The following ABCA3 variants were observed in gnomAD, a reference collection of about 807,000 sequenced individuals.
The protein encoded by ABCA3 is ATP binding cassette subfamily A member 3, also known as phospholipid-transporting ATPase ABCA3.
ABCA3 carries 88 observed loss-of-function variants against 172.8 expected under a neutral mutation model. That is an observed-to-expected ratio of 0.51 (90% confidence interval 0.43 to 0.61). The LOEUF (loss-of-function observed/expected upper bound fraction) is 0.61. Ranked by LOEUF, ABCA3 falls within the 20% of genes least tolerant of loss-of-function variation. ABCA3 has a pLI of 0.00. For missense variants in ABCA3, 2,164 were observed against 2,301.0 expected (o/e 0.94, Z 1.22); for synonymous variants, 1,066 against 983.8 (o/e 1.08, Z -1.56).
In ABCA3 at chr16:2,297,239, G is replaced by C; in HGVS notation, c.2263+90C>G. 1 of 1,451,652 alleles carries C rather than the reference G, an allele frequency of 6.9e-7. No homozygotes were observed. The highest frequency in any genetic ancestry group is 9.5e-7 in the Non-Finnish European group (1 of 1,057,486). 89.9% of individuals were successfully genotyped at this position (1,451,652 alleles called of 1,614,324 possible). On this transcript the variant is annotated intron_variant, in intron 17 of 32. Coordinates refer to ENST00000301732, the MANE Select transcript of ABCA3 (RefSeq NM_001089.3). This position sits in a 1 kb window ranked among gnomAD's most constrained non-coding sequence, Gnocchi z 5.6. ...AGTCTAGAAAAGGCCACCCCTGCCT[G>C]ATCTGAGGGCCCTTCATGAAGGTAG... is the stretch of plus-strand genomic sequence containing the variant.
At chr16:2,324,246 A>G (rs2093730611) in intron 6 of ABCA3, among the ~76,000 whole-genome samples, 158 bp downstream of exon 6, 1 of 152,172 alleles carries the variant, frequency 6.6e-6, no homozygotes, top group Non-Finnish European at 1.5e-5. Context: ...GGGGACTGTG[A>G]TGATATTATC....
At chr16:2,307,829 TCTC>T (rs1306808572) in intron 11 of ABCA3, among the ~76,000 whole-genome samples, 1 of 152,088 alleles carries the variant, frequency 6.6e-6, no homozygotes, top group Non-Finnish European at 1.5e-5. Flanking sequence ...ATGGTCTCGA[TCTC>T]CTGACCTCGT....
chr16:2,321,519 C>T (rs1207514093), intron 7 of ABCA3, among the ~76,000 whole-genome samples: 1 of 152,184 alleles, frequency 6.6e-6, no homozygotes, highest in Non-Finnish European at 1.5e-5. Flanking sequence ...TGTCTCCTGC[C>T]AGACCCGTGA....
chr16:2,320,226 G>A (rs1332058901), intron 7 of ABCA3, among the ~76,000 whole-genome samples: 54 of 140,806 alleles, frequency 3.8e-4, no homozygotes, highest in South Asian at 6.9e-4. Flanking sequence ...AGCCTCCCGA[G>A]TAGCTGGGAC....
At chr16:2,333,037 C>A (rs761702694) in intron 1 of ABCA3, among the ~76,000 whole-genome samples, 2 of 152,162 alleles carry the variant, frequency 1.3e-5, no homozygotes, top group Non-Finnish European at 2.9e-5. Flanking sequence ...AAACTCCTGG[C>A]CTGAAACAAT....
intron 18 of ABCA3, among the ~76,000 whole-genome samples, chr16:2,293,601 G>A (rs1596840206): frequency 6.7e-6 from 1 of 149,350 alleles, no homozygotes. Context: ...GCGGTGGCGC[G>A]ATCTTGGCTC....
At chr16:2,314,057 A>G (rs1338822063) in intron 10 of ABCA3, among the ~76,000 whole-genome samples, 1 of 152,190 alleles carries the variant, frequency 6.6e-6, no homozygotes, top group East Asian at 1.9e-4. Flanking sequence ...GCACCGGTGC[A>G]GACACTGCGG....
chr16:2,283,570 A>C lies in ABCA3; in HGVS notation c.3863-212T>G. ...GCACGTAACAATCCAATGCAGTCCC[A>C]TGAGCGACATGGCAGACCCAGGGCA... On this transcript the variant is annotated intron_variant, in intron 25 of 32. Transcript: ENST00000301732. The surrounding 1 kb of genome is among the most constrained non-coding windows in gnomAD (Gnocchi z 5.4). The C allele has an allele frequency of 1.7e-6, 1 of 573,200 alleles. No homozygotes were observed. The highest frequency in any genetic ancestry group is 3.1e-6 in the Non-Finnish European group (1 of 324,362). The allele number at this position is 573,200 out of a possible 1,614,324, so 35.5% of individuals were successfully genotyped here.
At chr16:2,313,670 G>A (rs543122039) in intron 10 of ABCA3, among the ~76,000 whole-genome samples, 35 of 151,332 alleles carry the variant, frequency 2.3e-4, no homozygotes, top group East Asian at 2.0e-4. Context: ...TCTGGGAGAC[G>A]GAGGTGGGAG....
intron 10 of ABCA3, among the ~76,000 whole-genome samples, chr16:2,311,859 G>A (rs1385389354): frequency 6.6e-6 from 1 of 151,974 alleles, no homozygotes; most frequent in East Asian, 1.9e-4. Flanking sequence ...GTTTCACCAT[G>A]TTGTCCAGGC....
intron 1 of ABCA3, among the ~76,000 whole-genome samples, chr16:2,336,081 T>C (rs1173290981): frequency 1.3e-5 from 2 of 152,182 alleles, no homozygotes; most frequent in African/African-American, 4.8e-5. Context: ...TGACAGTATA[T>C]GAGAGTTACA....
chr16:2,299,865 G>T, intron 13 of ABCA3, 140 bp downstream of exon 13: 1 of 1,256,970 alleles, frequency 8.0e-7, no homozygotes, highest in Non-Finnish European at 1.1e-6. Flanking sequence ...GCAGCGGAGG[G>T]TTCCTGCCCT....
chr16:2,314,231 A>G (rs544699736), intron 10 of ABCA3, among the ~76,000 whole-genome samples: 128 of 150,112 alleles, frequency 8.5e-4, no homozygotes, highest in African/African-American at 2.9e-3. Flanking sequence ...GAGTCTGTCA[A>G]TGGATGAACA....
chr16:2,332,649 G>C (rs984263438), intron 1 of ABCA3: 1 of 1,602,246 alleles, frequency 6.2e-7, no homozygotes, highest in Non-Finnish European at 8.5e-7. Context: ...GGGGCCGCCC[G>C]TTCACCTTGA....
chr16:2,284,803 TCA>T lies in ABCA3; in HGVS notation c.3677_3678del (p.Leu1226HisfsTer62). 6.2e-7 allele frequency: 1 copy of T among 1,613,568 alleles called. No individual in the cohort carries two copies. Among genetic ancestry groups the T allele is most frequent in the Non-Finnish European group, 8.5e-7 (1 of 1,179,892 alleles). On this transcript the variant is annotated frameshift_variant, in exon 24 of 33. Transcript: ENST00000301732. LOFTEE classifies it high-confidence loss of function. This position sits in a 1 kb window ranked among gnomAD's most constrained non-coding sequence, Gnocchi z 5.9. ...FNILSGIATF[L>X]MVTIMRIPAV... ...CCTGGGATGCGCATGATGGTGACCA[TCA>T]GGAAGGTGGCGATGCCTGACAGGAT...
intron 10 of ABCA3, among the ~76,000 whole-genome samples, chr16:2,316,526 A>AAAAAAAAAC (rs2093716134): frequency 7.5e-6 from 1 of 132,704 alleles, no homozygotes; most frequent in Non-Finnish European, 1.6e-5. Flanking sequence ...AAAAAAAAAA[A>AAAAAAAAAC]AATTAGCCAG....
At chr16:2,315,889 C>T (rs1052364798) in intron 10 of ABCA3, among the ~76,000 whole-genome samples, 1 of 130,006 alleles carries the variant, frequency 7.7e-6, no homozygotes, top group African/African-American at 2.9e-5. Context: ...TGCCATGTTG[C>T]CTAGGCTGGT....
At chr16:2,302,683 C>G (rs947594728) in intron 12 of ABCA3, among the ~76,000 whole-genome samples, 3 of 151,986 alleles carry the variant, frequency 2.0e-5, no homozygotes, top group Admixed American at 2.0e-4. Context: ...TGGGGTTGCA[C>G]TATGTTGCCC....
rs765928512 is a variant in ABCA3, at chr16:2,284,819, G to A, written c.3663C>T (p.Gly1221=). The A allele has an allele frequency of 2.3e-5, 37 of 1,613,960 alleles. No individual in the cohort carries two copies. The highest frequency in any genetic ancestry group is 3.0e-5 in the Non-Finnish European group (35 of 1,179,978). ...TRLTIFNILS[G]IATFLMVTIM... ...TGGTGACCATCAGGAAGGTGGCGATGCCTGACAGGATGTTGAAGATGGTCA... is the reference window on the plus strand; with the variant it reads ...TGGTGACCATCAGGAAGGTGGCGATACCTGACAGGATGTTGAAGATGGTCA... The change falls in exon 24 of 33, where the codon GGC becomes GGT. Residue 1221 remains glycine, a synonymous_variant. Transcript: ENST00000301732. This position sits in a 1 kb window ranked among gnomAD's most constrained non-coding sequence, Gnocchi z 5.9.
Sources: gnomAD v4.1 joint callset for allele counts (sites outside exome capture counted in the v4.1 genomes callset) on GRCh38, gnomAD v4.1.1 for gene constraint, Gnocchi (gnomAD v3.1) non-coding constraint, MANE v1.5 for transcripts, NCBI Gene and HGNC (gene_info 2026-07-23, HGNC 2026-07-21) for gene names.